LRP5: variants seen among roughly 807,000 people sequenced by gnomAD.
LRP5 encodes the protein low-density lipoprotein receptor-related protein 5.
A neutral mutation model predicts 154.1 loss-of-function variants in LRP5; 62 were observed. That is an observed-to-expected ratio of 0.40 (90% CI 0.33 to 0.50). LRP5 has a LOEUF of 0.50. Ranked by LOEUF, LRP5 falls within the 20% of genes least tolerant of loss-of-function variation. LRP5 has a pLI of 0.55. For missense variants in LRP5, 1,915 were observed against 2,336.7 expected (o/e 0.82, Z 3.72); for synonymous variants, 966 against 1,011.5 (o/e 0.96, Z 0.85).
At chr11:68,313,877 G>T (rs1314883426) in intron 1 of LRP5, among the ~76,000 whole-genome samples, 1 of 152,228 alleles carries the variant, frequency 6.6e-6, no homozygotes, top group Non-Finnish European at 1.5e-5. Context: ...GTGCAGCGGG[G>T]TGGCCCTGTA....
intron 21 of LRP5, among the ~76,000 whole-genome samples, chr11:68,443,232 A>T (rs565998895): frequency 1.3e-5 from 2 of 151,992 alleles, no homozygotes; most frequent in African/African-American, 4.8e-5. Flanking sequence ...GCCCAGCGTG[A>T]TGGCTTGCAG....
chr11:68,332,718 A>T (rs1221518294), intron 1 of LRP5, among the ~76,000 whole-genome samples: 1 of 152,118 alleles, frequency 6.6e-6, no homozygotes, highest in Non-Finnish European at 1.5e-5. Context: ...ATGTAGAGAG[A>T]GCCCTTGTGG....
At chr11:68,371,053 A>C (rs2098633755) in intron 5 of LRP5, among the ~76,000 whole-genome samples, 2 of 151,946 alleles carry the variant, frequency 1.3e-5, no homozygotes, top group Non-Finnish European at 2.9e-5. Flanking sequence ...CCGTTAATTA[A>C]CAGGCTGGTG....
chr11:68,409,856 A>T, intron 9 of LRP5, 58 bp from the exon 10 acceptor site: 1 of 1,419,042 alleles, frequency 7.0e-7, no homozygotes, highest in East Asian at 2.3e-5. Flanking sequence ...GTCTCAAAAA[A>T]AAAAAAAAAG....
chr11:68,395,670 G>T (rs917577617), intron 7 of LRP5, among the ~76,000 whole-genome samples: 2 of 152,054 alleles, frequency 1.3e-5, no homozygotes, highest in Non-Finnish European at 1.5e-5. Context: ...CCCTGGTGGC[G>T]CACTCTCTGG....
chr11:68,356,966 C>T (rs1301392746), intron 2 of LRP5, among the ~76,000 whole-genome samples: 24 of 148,322 alleles, frequency 1.6e-4, no homozygotes, highest in African/African-American at 3.3e-4. Flanking sequence ...GATGGAGTCT[C>T]GCTCTGTCGC....
At chr11:68,368,805 A>G (rs2098632489) in intron 5 of LRP5, among the ~76,000 whole-genome samples, 1 of 150,648 alleles carries the variant, frequency 6.6e-6, no homozygotes, top group Non-Finnish European at 1.5e-5. Context: ...CGATTGCAGG[A>G]GGTAAATATG....
intron 10 of LRP5, among the ~76,000 whole-genome samples, chr11:68,410,898 T>G (rs1565088319): frequency 6.6e-6 from 1 of 152,060 alleles, no homozygotes; most frequent in African/African-American, 2.4e-5. Flanking sequence ...CAGAAAGAGG[T>G]CCAGGTTTTA....
intron 8 of LRP5, chr11:68,404,485 CGAGGGAGCTGGGAATT>C: frequency 4.1e-6 from 2 of 490,724 alleles, no homozygotes; most frequent in South Asian, 1.5e-5. Flanking sequence ...CTTTAAAATA[CGAGGGAGCTGGGAATT>C]GAGGGAGCAG....
At chr11:68,327,459 G>T (rs113472899) in intron 1 of LRP5, among the ~76,000 whole-genome samples, 5 of 152,306 alleles carry the variant, frequency 3.3e-5, no homozygotes, top group African/African-American at 1.2e-4. Context: ...GACCCTTTTG[G>T]CAAAGATATG....
At chr11:68,407,903 G>C (rs1245199494) in intron 9 of LRP5, among the ~76,000 whole-genome samples, 2 of 152,162 alleles carry the variant, frequency 1.3e-5, no homozygotes, top group African/African-American at 4.8e-5. Flanking sequence ...TGGATTGTCT[G>C]TGGCAGCTTT....
chr11:68,446,483 C>A lies in LRP5; in HGVS notation c.4536C>A (p.Asn1512Lys). The change falls in exon 22 of 23, where the codon AAC (asparagine) becomes AAA (lysine). Residue 1512 changes from asparagine (N) to lysine (K), a missense_variant. Transcript: ENST00000294304. ...CGGCCACGGACCCCTCCCTGTACAACATGGACATGTTCTACTCTTCAAACA... is the reference window on the plus strand; with the variant it reads ...CGGCCACGGACCCCTCCCTGTACAAAATGGACATGTTCTACTCTTCAAACA... ...PSPATDPSLY[N>K]MDMFYSSNIP... 1 of 1,614,196 alleles carries A rather than the reference C, an allele frequency of 6.2e-7. No homozygotes were observed. The highest frequency in any genetic ancestry group is 8.5e-7 in the Non-Finnish European group (1 of 1,180,032).
At chr11:68,399,338 T>C (rs1398582668) in intron 7 of LRP5, among the ~76,000 whole-genome samples, 1 of 151,914 alleles carries the variant, frequency 6.6e-6, no homozygotes, top group Non-Finnish European at 1.5e-5. Context: ...GTCACTACAC[T>C]CTAGCCTGGG....
chr11:68,431,231 C>CTTTTTTTTTTTTTTTTTT (rs34840282), intron 17 of LRP5, among the ~76,000 whole-genome samples: 1 of 92,966 alleles, frequency 1.1e-5, no homozygotes, highest in Non-Finnish European at 2.0e-5. Context: ...GCTGTGCACC[C>CTTTTTTTTTTTTTTTTTT]TTTTTTTTTT....
intron 3 of LRP5, among the ~76,000 whole-genome samples, chr11:68,362,261 G>A (rs932831444): frequency 3.0e-4 from 46 of 152,328 alleles, no homozygotes; most frequent in Middle Eastern, 3.4e-3. Context: ...GGCTGGGGGC[G>A]GGGACTGGGG....
At chr11:68,300,012 C>T in the LRP5 span, among the ~76,000 whole-genome samples, 6 of 149,006 alleles carry the variant, frequency 4.0e-5, no homozygotes, top group African/African-American at 1.5e-4. Flanking sequence ...ATTCTCCTGC[C>T]TCAGCCTCCT....
At chr11:68,333,855 T>G (rs2098604230) in intron 1 of LRP5, among the ~76,000 whole-genome samples, 1 of 152,162 alleles carries the variant, frequency 6.6e-6, no homozygotes, top group South Asian at 2.1e-4. Context: ...GCCCCCAGAT[T>G]GATCAGTGGA....
intron 7 of LRP5, among the ~76,000 whole-genome samples, chr11:68,401,241 C>A (rs141272652): frequency 6.6e-6 from 1 of 152,228 alleles, no homozygotes; most frequent in African/African-American, 2.4e-5. Context: ...GCGTGTCTTC[C>A]TGTTGTGGAG....
chr11:68,396,126 G>A (rs552947756), intron 7 of LRP5, among the ~76,000 whole-genome samples: 1 of 152,220 alleles, frequency 6.6e-6, no homozygotes, highest in Non-Finnish European at 1.5e-5. Context: ...TGGGGACTCT[G>A]GGGACAGCTG....
Sources: allele counts gnomAD v4.1 joint callset (sites outside exome capture counted in the v4.1 genomes callset), GRCh38; gene constraint gnomAD v4.1.1; transcripts MANE v1.5; gene names NCBI Gene and HGNC (gene_info 2026-07-23, HGNC 2026-07-21).